EVI2B: variants seen among roughly 807,000 people sequenced by gnomAD.
EVI2B encodes ecotropic viral integration site 2B.
Under a neutral mutation model 6.6 loss-of-function variants are expected in EVI2B, and 4 were observed. The ratio of observed to expected loss-of-function variants is 0.61; its 90% CI spans 0.30 to 1.39. EVI2B has a LOEUF of 1.39. Among genes scored for constraint, EVI2B ranks in the 40% most tolerant of loss-of-function variants. EVI2B has a pLI of 0.08. For synonymous variants in EVI2B, 181 were observed against 186.8 expected (o/e 0.97, Z 0.25); for missense variants, 484 against 516.6 (o/e 0.94, Z 0.61).
chr17:31,307,651 A>G (rs2068760053), intron 1 of EVI2B, among the ~76,000 whole-genome samples: 1 of 152,304 alleles, frequency 6.6e-6, no homozygotes, highest in Admixed American at 6.5e-5. Context: ...CCTTTCCTCT[A>G]AAGTGAAGAG....
At chr17:31,313,014 T>C (rs1482904579) in intron 1 of EVI2B, among the ~76,000 whole-genome samples, 1 of 152,198 alleles carries the variant, frequency 6.6e-6, no homozygotes, top group Non-Finnish European at 1.5e-5. Flanking sequence ...AATATACGCA[T>C]GCATGTTTGA....
chr17:31,309,514 C>A (rs951752260), intron 1 of EVI2B, among the ~76,000 whole-genome samples: 1 of 152,018 alleles, frequency 6.6e-6, no homozygotes, highest in South Asian at 2.1e-4. Context: ...CAAAAAAAGG[C>A]GGGGGGACTT....
rs1438010450 is a variant in EVI2B, at chr17:31,304,531, A to AT, written c.1078dup (p.Met360AsnfsTer10). The AT allele has an allele frequency of 1.2e-6, 2 of 1,614,072 alleles. No individual in the cohort carries two copies. Among genetic ancestry groups the AT allele is most frequent in the African/African-American group, 2.7e-5 (2 of 74,930 alleles). ...ATTTGGAAGAGGAGATACAATTGTCATTGTGGGTTTGTCAGATTGGTTACT... is the reference window on the plus strand; with the variant it reads ...ATTTGGAAGAGGAGATACAATTGTCATTTGTGGGTTTGTCAGATTGGTTACT... On this transcript the variant is annotated frameshift_variant, in exon 2 of 2. Transcript: ENST00000330927. LOFTEE classifies it low-confidence loss of function (END_TRUNC).
intron 1 of EVI2B, among the ~76,000 whole-genome samples, chr17:31,312,572 C>T (rs10512434): frequency 0.5 from 75,821 of 150,228 alleles, 20,816 homozygotes; most frequent in Non-Finnish European, 0.62. Flanking sequence ...CCATAAGGAT[C>T]GATGGGAAAT....
At position 31,305,500 on chromosome 17, in the gene EVI2B, A is replaced by G; in HGVS notation, c.110T>C (p.Phe37Ser). 2.5e-6 allele frequency: 4 copies of G among 1,614,216 alleles called. No individual in the cohort carries two copies. Among genetic ancestry groups the G allele is most frequent in the Non-Finnish European group, 3.4e-6 (4 of 1,180,036 alleles). The change falls in exon 2 of 2, where the codon TTC (phenylalanine) becomes TCC (serine). Residue 37 changes from phenylalanine (F) to serine (S), a missense_variant. Transcript: ENST00000330927. ...TTEKQSQPTL[F>S]TSSMSQVLAN... ...CAATACCTGTGACATTGATGATGTGAATAAGGTAGGCTGTGACTGCTTCTC... is the reference window on the plus strand; with the variant it reads ...CAATACCTGTGACATTGATGATGTGGATAAGGTAGGCTGTGACTGCTTCTC...
At chr17:31,308,578 A>AT (rs1438924630) in intron 1 of EVI2B, among the ~76,000 whole-genome samples, 1 of 151,646 alleles carries the variant, frequency 6.6e-6, no homozygotes, top group African/African-American at 2.4e-5. Flanking sequence ...TAAACACACG[A>AT]TTTTTCCCTG....
intron 1 of EVI2B, among the ~76,000 whole-genome samples, chr17:31,310,290 G>A (rs12602834): frequency 0.5 from 75,446 of 151,592 alleles, 20,609 homozygotes; most frequent in Non-Finnish European, 0.62. Flanking sequence ...AGGAAGCAGC[G>A]AACAGAAAAG....
chr17:31,312,351 A>G (rs1328730158), intron 1 of EVI2B, among the ~76,000 whole-genome samples: 3 of 152,014 alleles, frequency 2.0e-5, no homozygotes, highest in East Asian at 3.9e-4. Flanking sequence ...TTCTACTAAA[A>G]ATACAAAAAA....
At position 31,305,132 on chromosome 17, in the gene EVI2B, G is replaced by T; in HGVS notation, c.478C>A (p.Gln160Lys). The T allele has an allele frequency of 6.2e-7, 1 of 1,614,174 alleles. No individual in the cohort carries two copies. Among genetic ancestry groups the T allele is most frequent in the East Asian group, 2.2e-5 (1 of 44,890 alleles). Residue 160 changes from glutamine to lysine, a missense_variant, in exon 2 of 2, where the codon CAA becomes AAA. Gln to Lys is a moderately conservative substitution (Grantham distance 53, BLOSUM62 1). Coordinates refer to ENST00000330927, the MANE Select transcript of EVI2B (RefSeq NM_006495.4). ...GTGGATGGATTATGAACAGTTATTT[G>T]TTTTCTAGAAGGGATCTGGACAGAT... Reference protein sequence around the residue: ...SSSVQIPSRKQITVHNPSTQP... With the variant: ...SSSVQIPSRKKITVHNPSTQP...
In EVI2B at chr17:31,304,803, G is replaced by T; in HGVS notation, c.807C>A (p.Ile269=). The T allele has an allele frequency of 6.2e-7, 1 of 1,613,992 alleles. No individual in the cohort carries two copies. Among genetic ancestry groups the T allele is most frequent in the Non-Finnish European group, 8.5e-7 (1 of 1,179,998 alleles). The change falls in exon 2 of 2, where the codon ATC becomes ATA. Residue 269 remains isoleucine (I), a synonymous_variant. Coordinates refer to ENST00000330927, the MANE Select transcript of EVI2B (RefSeq NM_006495.4). ...ENEISTKRTS[I]ISLTPWKPSK... ...TTGGTTTCCAGGGTGTAAGTGAAAT[G>T]ATTGATGTACGTTTTGTGGATATTT...
In EVI2B at chr17:31,304,030, T is replaced by C. The variant is rs993991405; in HGVS notation, c.*233A>G. On this transcript the variant is annotated 3_prime_UTR_variant, in exon 2 of 2. Transcript: ENST00000330927. ...ATTATTGAAACATACCATTTACATA[T>C]GTAAAATGTACTATACTTTAAAGAT... The C allele has an allele frequency of 2.7e-6, 1 of 368,422 alleles. No individual in the cohort carries two copies. The highest frequency in any genetic ancestry group is 4.9e-6 in the Non-Finnish European group (1 of 205,768). 22.8% of individuals were successfully genotyped at this position (368,422 alleles called of 1,614,324 possible).
intron 1 of EVI2B, chr17:31,307,765 A>C: frequency 1.7e-6 from 1 of 573,760 alleles, no homozygotes; most frequent in Non-Finnish European, 2.7e-6. Context: ...GGGAATAGAA[A>C]ATCTTAGGGT....
intron 1 of EVI2B, 56 bp from the exon 2 acceptor site, chr17:31,305,686 T>G: frequency 6.8e-7 from 1 of 1,474,948 alleles, no homozygotes; most frequent in Non-Finnish European, 9.1e-7. Context: ...GGTGTCTAGT[T>G]AAAAATTTGA....
rs551035780 is a variant in EVI2B at position 31,312,548 on chromosome 17, A to G, written c.-22+1431T>C. Among the ~76,000 whole-genome samples the G allele has an allele frequency of 4.0e-5, 6 of 151,722 alleles. No individual in the cohort carries two copies. The South Asian group carries it at 1.0e-3, about 26-fold the overall frequency. The stretch of plus-strand genomic sequence containing the variant: ...AAAAAAAAAAAAAGTATGGGATTCT[A>G]TGACAAAAACACACCATAAGGATCG... On this transcript the variant is annotated intron_variant, in intron 1 of 1. Transcript: ENST00000330927.
intron 1 of EVI2B, among the ~76,000 whole-genome samples, chr17:31,306,775 C>G (rs1288555766): frequency 1.3e-5 from 2 of 149,938 alleles, no homozygotes; most frequent in East Asian, 3.9e-4. Context: ...TTGTGTGGAG[C>G]TCTGTTCTAG....
At position 31,304,097 on chromosome 17, in the gene EVI2B, T is replaced by A. The variant is rs111521319; in HGVS notation, c.*166A>T. Reference sequence around the variant, plus strand: ...AAATAGATTACTGTTAAATAACTTTTTTTAAAAAAAAGTTTCATCTATGCA... The same window carrying A: ...AAATAGATTACTGTTAAATAACTTTATTTAAAAAAAAGTTTCATCTATGCA... On this transcript the variant is annotated 3_prime_UTR_variant, in exon 2 of 2. Transcript: ENST00000330927. 1.7e-6 allele frequency: 1 copy of A among 596,660 alleles called. No homozygotes were observed. The highest frequency in any genetic ancestry group is 2.8e-5 in the South Asian group (1 of 35,828). 37.0% of individuals were successfully genotyped at this position (596,660 alleles called of 1,614,324 possible).
At chr17:31,312,183 T>C (rs1444444041) in intron 1 of EVI2B, among the ~76,000 whole-genome samples, 2 of 152,036 alleles carry the variant, frequency 1.3e-5, no homozygotes, top group African/African-American at 4.8e-5. Context: ...CAGGCACTAC[T>C]AGTAAACTTT....
At chr17:31,308,603 C>T (rs2068791276) in intron 1 of EVI2B, among the ~76,000 whole-genome samples, 1 of 151,782 alleles carries the variant, frequency 6.6e-6, no homozygotes, top group African/African-American at 2.4e-5. Context: ...ACAGACACTT[C>T]TATGCTGTTT....
intron 1 of EVI2B, among the ~76,000 whole-genome samples, chr17:31,312,445 A>G (rs1012979133): frequency 6.7e-6 from 1 of 149,510 alleles, no homozygotes; most frequent in African/African-American, 2.5e-5. Context: ...TGGGAGGCGG[A>G]GGTTGCAGTG....
Sources: gnomAD v4.1 joint callset for allele counts (sites outside exome capture counted in the v4.1 genomes callset) on GRCh38, gnomAD v4.1.1 for gene constraint, MANE v1.5 for transcripts, NCBI Gene and HGNC (gene_info 2026-07-23, HGNC 2026-07-21) for gene names.